Variants in GLI2 observed in about 807,000 individuals in gnomAD.
GLI2 encodes the protein transcription activator GLI2.
Under a neutral mutation model 78.9 loss-of-function variants are expected in GLI2, and 22 were observed. That is an observed-to-expected ratio of 0.28 (90% CI 0.20 to 0.40). The LOEUF (loss-of-function observed/expected upper bound fraction) is 0.40. Among genes scored for constraint, GLI2 ranks in the 10% least tolerant of loss-of-function variants. The probability of loss-of-function intolerance (pLI) is 1.00; values close to 1 mark genes in which losing one functional copy is unlikely to be tolerated. For missense variants in GLI2, 2,097 were observed against 2,213.2 expected, an observed-to-expected ratio of 0.95 and a Z score of 1.05; for synonymous variants, 974 against 963.7, an observed-to-expected ratio of 1.01 and a Z score of -0.20.
At chr2:120,749,148 A>G (rs569977166) in intron 1 of GLI2, among the ~76,000 whole-genome samples, 1 of 152,314 alleles carries the variant, frequency 6.6e-6, no homozygotes, top group African/African-American at 2.4e-5. Context: ...TATAACACTC[A>G]TTAATACTGC....
In GLI2 at chr2:120,989,765, A is replaced by G. The variant is rs765325264; in HGVS notation, c.3800A>G (p.Gln1267Arg). 6.2e-7 allele frequency: 1 copy of G among 1,612,238 alleles called. No individual in the cohort carries two copies. Among genetic ancestry groups the G allele is most frequent in the Admixed American group, 1.7e-5 (1 of 59,974 alleles). The change falls in exon 14 of 14, where the codon CAG becomes CGG. Residue 1267 changes from glutamine (Q) to arginine (R), a missense_variant. This residue lies in a region of GLI2 where 1,290 missense variants were observed against 1,261.7 expected (regional missense o/e 1.02). Transcript: ENST00000361492. ...AAGCCAGGGCATCTGGGGCACCCTCAGCAGACAGAAGTGGCACCTGACCCC... is the reference window on the plus strand; with the variant it reads ...AAGCCAGGGCATCTGGGGCACCCTCGGCAGACAGAAGTGGCACCTGACCCC... Reference protein sequence around the residue: ...PAKPGHLGHPQQTEVAPDPTT... With the variant: ...PAKPGHLGHPRQTEVAPDPTT...
At chr2:120,917,132 G>A (rs1000196400) in intron 2 of GLI2, among the ~76,000 whole-genome samples, 1 of 152,204 alleles carries the variant, frequency 6.6e-6, no homozygotes, top group African/African-American at 2.4e-5. Context: ...GGAGGGCGCT[G>A]GCCTTCTGGG....
intron 2 of GLI2, among the ~76,000 whole-genome samples, chr2:120,913,514 T>C (rs1480729733): frequency 6.6e-6 from 1 of 152,188 alleles, no homozygotes; most frequent in Non-Finnish European, 1.5e-5. Context: ...GTGGCCCACA[T>C]TGTATTTCTG....
At chr2:120,851,433 G>C (rs1477936846) in intron 2 of GLI2, among the ~76,000 whole-genome samples, 1 of 152,264 alleles carries the variant, frequency 6.6e-6, no homozygotes, top group Non-Finnish European at 1.5e-5. Context: ...ACTGGAGGTG[G>C]CCCCTGCTCT....
At chr2:120,809,001 G>A (rs536241655) in intron 2 of GLI2, among the ~76,000 whole-genome samples, 1 of 152,250 alleles carries the variant, frequency 6.6e-6, no homozygotes. Flanking sequence ...GGACCCACCA[G>A]TTCCACTCTT....
At chr2:120,890,496 T>C (rs1409441877) in intron 2 of GLI2, among the ~76,000 whole-genome samples, 2 of 152,048 alleles carry the variant, frequency 1.3e-5, no homozygotes, top group Admixed American at 1.3e-4. Flanking sequence ...TTCACATACA[T>C]ACATACCTGC....
intron 1 of GLI2, among the ~76,000 whole-genome samples, chr2:120,793,041 A>T (rs1018088096): frequency 6.6e-6 from 1 of 152,124 alleles, no homozygotes; most frequent in South Asian, 2.1e-4. Context: ...TCTTCTTGCC[A>T]CCCCCTGCCT....
rs916817005 is a variant in GLI2, at chr2:120,925,944, G to A, written c.149-1417G>A. On this transcript the variant is annotated intron_variant, in intron 2 of 13. Coordinates refer to ENST00000361492, the MANE Select transcript of GLI2 (RefSeq NM_001374353.1). The stretch of plus-strand genomic sequence containing the variant: ...AAAAATTAGCCGGGCGTGGTGTCGG[G>A]CACCTGTGGTCCCAGCTACTCGGGA... 7.2e-5 allele frequency among the ~76,000 whole-genome samples: 11 copies of A among 151,926 alleles called. 1 individual carries two copies. Among genetic ancestry groups the A allele is most frequent in the Admixed American group, 5.9e-4 (9 of 15,270 alleles).
intron 2 of GLI2, among the ~76,000 whole-genome samples, chr2:120,897,138 C>T (rs1173873591): frequency 1.3e-5 from 2 of 152,228 alleles, no homozygotes. Context: ...CACGCTCCAG[C>T]CGCCACGCCC....
Position 120,928,755 on chromosome 2 carries a change from G to C in GLI2, c.254+1289G>C, listed in dbSNP as rs538209122. Among the ~76,000 whole-genome samples the C allele has an allele frequency of 6.6e-5, 10 of 152,256 alleles. No homozygotes were observed. The East Asian group carries it at 1.7e-3, about 26-fold the overall frequency. On this transcript the variant is annotated intron_variant, in intron 3 of 13. Coordinates refer to ENST00000361492, the MANE Select transcript of GLI2 (RefSeq NM_001374353.1). Reference sequence around the variant, plus strand: ...GACTTCTACTTTCTTTTTAAAAACTGTTTTACTTTTAAATATTTTACTCTG... The same window carrying C: ...GACTTCTACTTTCTTTTTAAAAACTCTTTTACTTTTAAATATTTTACTCTG...
At chr2:120,827,159 A>C (rs181224474) in intron 2 of GLI2, among the ~76,000 whole-genome samples, 111 of 152,302 alleles carry the variant, frequency 7.3e-4, no homozygotes, top group African/African-American at 2.6e-3. Flanking sequence ...GCCCAGAAAC[A>C]CAAACATATG....
At chr2:120,784,041 C>A (rs1683923029) in intron 1 of GLI2, among the ~76,000 whole-genome samples, 2 of 152,226 alleles carry the variant, frequency 1.3e-5, no homozygotes, top group Admixed American at 1.3e-4. Context: ...TACCAGCTGT[C>A]TACTGGGTGG....
intron 2 of GLI2, among the ~76,000 whole-genome samples, chr2:120,815,866 G>T (rs1243704814): frequency 6.6e-6 from 1 of 152,190 alleles, no homozygotes. Context: ...ATCTGAGGGG[G>T]TGTTAGGTGT....
At chr2:120,973,989 C>G (rs979770725) in intron 8 of GLI2, among the ~76,000 whole-genome samples, 8 of 152,162 alleles carry the variant, frequency 5.3e-5, no homozygotes, top group Non-Finnish European at 1.2e-4. Flanking sequence ...GGGGTTAGGC[C>G]TTTTGAGTAT....
rs547124108 is a variant in GLI2, at chr2:120,978,458, G to A, written c.1342G>A (p.Gly448Arg). 9 of 1,614,082 alleles carry A rather than the reference G, an allele frequency of 5.6e-6. No homozygotes were observed. The highest frequency in any genetic ancestry group is 6.8e-6 in the Non-Finnish European group (8 of 1,180,036). ...VHHINNEHIHGEKKEFVCRWQ... is the reference protein window; with the variant it reads ...VHHINNEHIHREKKEFVCRWQ... ...GCACATCAACAACGAGCACATCCACGGGGAGAAGAAGGAGTTTGTGTGCCG... is the reference window on the plus strand; with the variant it reads ...GCACATCAACAACGAGCACATCCACAGGGAGAAGAAGGAGTTTGTGTGCCG... The change falls in exon 10 of 14, where the codon GGG (glycine) becomes AGG (arginine). Residue 448 changes from glycine to arginine, a missense_variant. Around this residue, in one of 5 missense-constraint regions of GLI2, gnomAD observed 104 missense variants for 190.6 expected, o/e 0.55. Transcript: ENST00000361492.
chr2:120,852,192 G>A (rs1027690001), intron 2 of GLI2, among the ~76,000 whole-genome samples: 8 of 152,112 alleles, frequency 5.3e-5, no homozygotes, highest in African/African-American at 1.9e-4. Context: ...ACCTGAGCTT[G>A]GAGTCTTTCA....
At chr2:120,819,946 A>T (rs1685684566) in intron 2 of GLI2, among the ~76,000 whole-genome samples, 1 of 152,126 alleles carries the variant, frequency 6.6e-6, no homozygotes, top group Non-Finnish European at 1.5e-5. Context: ...TGAGGGATGA[A>T]TACGGGTTCA....
chr2:120,900,628 C>G (rs1377832461), intron 2 of GLI2, among the ~76,000 whole-genome samples: 1 of 152,224 alleles, frequency 6.6e-6, no homozygotes. Context: ...GAGGGGACAA[C>G]ACCCAGTTCC....
At chr2:120,919,817 A>C (rs2104841200) in intron 2 of GLI2, among the ~76,000 whole-genome samples, 1 of 141,172 alleles carries the variant, frequency 7.1e-6, no homozygotes, top group Middle Eastern at 3.6e-3. Flanking sequence ...CAGCTACCGC[A>C]CTGGCCTCCT....
Sources: allele counts gnomAD v4.1 joint callset (sites outside exome capture counted in the v4.1 genomes callset), GRCh38; gene constraint gnomAD v4.1.1; regional missense constraint gnomAD v4.1.1; transcripts MANE v1.5; gene names NCBI Gene and HGNC (gene_info 2026-07-23, HGNC 2026-07-21).